The following STK33 variants were observed in gnomAD, a reference collection of about 807,000 sequenced individuals.
STK33 encodes the protein serine/threonine-protein kinase 33.
A neutral mutation model predicts 58.0 loss-of-function variants in STK33; 52 were observed. That is an observed-to-expected ratio of 0.90 (90% confidence interval 0.72 to 1.13). The LOEUF (loss-of-function observed/expected upper bound fraction) is 1.13, where lower values mean the gene tolerates loss of function less well. Among genes scored for constraint, STK33 ranks in the 50% most tolerant of loss-of-function variants. The pLI, the probability that STK33 is intolerant of heterozygous loss-of-function variation, is 0.00. For missense variants in STK33, 630 were observed against 604.2 expected, an observed-to-expected ratio of 1.04 and a Z score of -0.45; for synonymous variants, 215 against 200.1, an observed-to-expected ratio of 1.07 and a Z score of -0.63.
In STK33 at chr11:8,474,960, G is replaced by A; in HGVS notation, c.-55C>T. ...AAAAATGTTTCCACTGTTTGAGGAAGAAAACCAGGCCAAAAAGGATAAGGT... is the reference window on the plus strand; with the variant it reads ...AAAAATGTTTCCACTGTTTGAGGAAAAAAACCAGGCCAAAAAGGATAAGGT... On this transcript the variant is annotated 5_prime_UTR_variant, in exon 5 of 16. Coordinates refer to ENST00000687296, the MANE Select transcript of STK33 (RefSeq NM_001352389.2). 1.3e-6 allele frequency: 2 copies of A among 1,495,648 alleles called. No individual in the cohort carries two copies. Among genetic ancestry groups the A allele is most frequent in the Admixed American group, 2.3e-5 (1 of 43,826 alleles). The allele number at this position is 1,495,648 out of a possible 1,614,324, so 92.6% of individuals were successfully genotyped here.
chr11:8,474,626 C>T, intron 5 of STK33, 55 bp downstream of exon 5: 2 of 1,301,070 alleles, frequency 1.5e-6, no homozygotes, highest in Non-Finnish European at 2.1e-6. Context: ...GCTAGGAGTA[C>T]CATTAGGGAA....
chr11:8,418,108 T>G (rs187160137), intron 14 of STK33, among the ~76,000 whole-genome samples: 2 of 152,196 alleles, frequency 1.3e-5, no homozygotes, highest in South Asian at 2.1e-4. Flanking sequence ...TTTTTAACTT[T>G]TTTTAGGTCC....
intron 6 of STK33, among the ~76,000 whole-genome samples, chr11:8,472,340 G>A (rs1404354734): frequency 1.3e-5 from 2 of 152,136 alleles, no homozygotes; most frequent in Non-Finnish European, 2.9e-5. Flanking sequence ...TTTAAAACAA[G>A]TTTTGACATC....
intron 6 of STK33, among the ~76,000 whole-genome samples, chr11:8,472,502 G>A (rs1297815129): frequency 6.6e-6 from 1 of 152,160 alleles, no homozygotes; most frequent in East Asian, 1.9e-4. Context: ...GAGATGAAGA[G>A]TGGTCAGTCA....
At chr11:8,512,745 G>C (rs965528039) in intron 1 of STK33, among the ~76,000 whole-genome samples, 1 of 152,140 alleles carries the variant, frequency 6.6e-6, no homozygotes, top group African/African-American at 2.4e-5. Flanking sequence ...GCACAAGCTT[G>C]TTCCCCATCT....
At chr11:8,511,972 C>T (rs1952365771) in intron 1 of STK33, among the ~76,000 whole-genome samples, 1 of 152,048 alleles carries the variant, frequency 6.6e-6, no homozygotes, top group South Asian at 2.1e-4. Flanking sequence ...AATGGAAATT[C>T]TACAAAATGA....
intron 1 of STK33, among the ~76,000 whole-genome samples, chr11:8,528,523 G>A (rs1954244760): frequency 6.6e-6 from 1 of 152,080 alleles, no homozygotes; most frequent in African/African-American, 2.4e-5. Flanking sequence ...TTTCAACCAT[G>A]GCCCAAATAT....
chr11:8,401,959 G>C (rs1938085252), intron 15 of STK33, among the ~76,000 whole-genome samples: 1 of 152,058 alleles, frequency 6.6e-6, no homozygotes, highest in African/African-American at 2.4e-5. Flanking sequence ...TAAAAAGTCA[G>C]GAAACAACAG....
chr11:8,534,532 TTC>T (rs61429377), intron 1 of STK33, among the ~76,000 whole-genome samples: 11,754 of 121,772 alleles, frequency 0.097, 670 homozygotes, highest in African/African-American at 0.12. Flanking sequence ...GTATATATAT[TTC>T]TCTCTCTCTC....
chr11:8,455,935 T>C (rs1241938293), intron 9 of STK33, among the ~76,000 whole-genome samples: 2 of 152,096 alleles, frequency 1.3e-5, no homozygotes, highest in Admixed American at 1.3e-4. Context: ...CCAGGCTTTG[T>C]TTTTGGAATT....
the STK33 span, among the ~76,000 whole-genome samples, chr11:8,342,039 T>C: frequency 6.6e-6 from 1 of 152,100 alleles, no homozygotes; most frequent in East Asian, 1.9e-4. Flanking sequence ...GAAAAGGGCT[T>C]TTAAAGGTGG....
Position 8,454,751 on chromosome 11 carries a change from T to G in STK33, c.779A>C (p.Asn260Thr). 6.4e-7 allele frequency: 1 copy of G among 1,572,470 alleles called. No individual in the cohort carries two copies. Among genetic ancestry groups the G allele is most frequent in the Non-Finnish European group, 8.6e-7 (1 of 1,158,256 alleles). Reference sequence around the variant, plus strand: ...CACCATTGCTAATCTTACCTTTATGTTTAAGTTTATTTCATTGTTATCATC... The same window carrying G: ...CACCATTGCTAATCTTACCTTTATGGTTAAGTTTATTTCATTGTTATCATC... Reference protein sequence around the residue: ...LIDDNNEINLNIKVTDFGLAV... With the variant: ...LIDDNNEINLTIKVTDFGLAV... Residue 260 changes from asparagine to threonine, a missense_variant, in exon 10 of 16, where the codon AAC becomes ACC. Transcript: ENST00000687296.
intron 1 of STK33, among the ~76,000 whole-genome samples, chr11:8,582,999 C>T (rs1425275885): frequency 6.6e-6 from 1 of 152,176 alleles, no homozygotes; most frequent in Non-Finnish European, 1.5e-5. Flanking sequence ...TAAAGTTTTC[C>T]AATGACTGGG....
At chr11:8,549,232 T>C (rs1413695540) in intron 1 of STK33, among the ~76,000 whole-genome samples, 1 of 152,218 alleles carries the variant, frequency 6.6e-6, no homozygotes, top group African/African-American at 2.4e-5. Flanking sequence ...GAAATGACCA[T>C]ATAATTTTTA....
chr11:8,477,607 T>C (rs1219388472), intron 2 of STK33, among the ~76,000 whole-genome samples: 1 of 152,158 alleles, frequency 6.6e-6, no homozygotes, highest in East Asian at 1.9e-4. Flanking sequence ...TTTACAAATA[T>C]ATATATTCAC....
At chr11:8,570,100 A>G (rs534608895) in intron 1 of STK33, among the ~76,000 whole-genome samples, 1 of 152,320 alleles carries the variant, frequency 6.6e-6, no homozygotes, top group South Asian at 2.1e-4. Flanking sequence ...GTTTTCAAAA[A>G]AATAGGCAAA....
intron 2 of STK33, among the ~76,000 whole-genome samples, chr11:8,479,166 G>A (rs1474571483): frequency 6.6e-6 from 1 of 152,132 alleles, no homozygotes; most frequent in African/African-American, 2.4e-5. Flanking sequence ...TGTAATCCCA[G>A]CACTTTGGCA....
chr11:8,440,973 A>C (rs957562672), intron 11 of STK33, among the ~76,000 whole-genome samples: 1 of 152,336 alleles, frequency 6.6e-6, no homozygotes. Flanking sequence ...ACAATGGTGT[A>C]AACTGTATAA....
the STK33 span, among the ~76,000 whole-genome samples, chr11:8,343,361 T>C: frequency 6.6e-6 from 1 of 152,188 alleles, no homozygotes; most frequent in African/African-American, 2.4e-5. Context: ...CCAAAGATGG[T>C]GGGGAAGGGT....
Sources: allele counts gnomAD v4.1 joint callset (sites outside exome capture counted in the v4.1 genomes callset), GRCh38; gene constraint gnomAD v4.1.1; transcripts MANE v1.5; gene names NCBI Gene and HGNC (gene_info 2026-07-23, HGNC 2026-07-21).